ZBTB5: variants seen among roughly 807,000 people sequenced by gnomAD.
The protein encoded by ZBTB5 is zinc finger and BTB domain-containing protein 5.
ZBTB5 carries 15 observed loss-of-function variants against 37.9 expected under a neutral mutation model. That is an observed-to-expected ratio of 0.40 (90% CI 0.26 to 0.61). The LOEUF is 0.61. Ranked by LOEUF, ZBTB5 falls within the 20% of genes least tolerant of loss-of-function variation. The pLI, the probability that ZBTB5 is intolerant of heterozygous loss-of-function variation, is 0.47. For synonymous variants in ZBTB5, 315 were observed against 312.4 expected, an observed-to-expected ratio of 1.01 and a Z score of -0.09; for missense variants, 708 against 856.8, an observed-to-expected ratio of 0.83 and a Z score of 2.17.
chr9:37,440,180 A>C lies in ZBTB5; in HGVS notation c.*338T>G. The stretch of plus-strand genomic sequence containing the variant: ...AAGGTATAGGAAATTTAAATGCTAC[A>C]CAGTTTTACAAAAATTGCTAAAAAA... On this transcript the variant is annotated 3_prime_UTR_variant, in exon 2 of 2. Transcript: ENST00000307750. The C allele has an allele frequency of 3.3e-6, 1 of 306,602 alleles. No homozygotes were observed. Among genetic ancestry groups the C allele is most frequent in the Non-Finnish European group, 6.2e-6 (1 of 162,238 alleles). The allele number at this position is 306,602 out of a possible 1,614,324, so 19.0% of individuals were successfully genotyped here. A position where few individuals can be genotyped will look rare whatever the true frequency, so the allele number is the denominator to read the frequency against.
chr9:37,454,477 C>G (rs1312202892), intron 1 of ZBTB5, among the ~76,000 whole-genome samples: 1 of 152,180 alleles, frequency 6.6e-6, no homozygotes, highest in Non-Finnish European at 1.5e-5. Flanking sequence ...ATAACTGTGT[C>G]TAACCCAAAG....
intron 1 of ZBTB5, among the ~76,000 whole-genome samples, chr9:37,449,979 C>T (rs977600181): frequency 1.3e-5 from 2 of 152,038 alleles, no homozygotes; most frequent in African/African-American, 2.4e-5. Context: ...AAGGGGAAAG[C>T]CCATTTGCAT....
intron 1 of ZBTB5, among the ~76,000 whole-genome samples, chr9:37,458,166 G>A (rs1824226609): frequency 6.6e-6 from 1 of 152,218 alleles, no homozygotes; most frequent in Non-Finnish European, 1.5e-5. Flanking sequence ...AAGAAATTAA[G>A]CTAGGCAGCA....
intron 1 of ZBTB5, among the ~76,000 whole-genome samples, chr9:37,458,758 A>G (rs1824236159): frequency 6.6e-6 from 1 of 152,242 alleles, no homozygotes; most frequent in Admixed American, 6.5e-5. Context: ...CATAACTCTG[A>G]AATCAGTATT....
intron 1 of ZBTB5, among the ~76,000 whole-genome samples, chr9:37,463,416 TA>T (rs910042087): frequency 1.1e-4 from 16 of 151,446 alleles, no homozygotes; most frequent in East Asian, 3.9e-4. Context: ...TAATTTACAT[TA>T]AAAAAAAAGT....
chr9:37,444,202 TTTG>T (rs1356521250), intron 1 of ZBTB5, among the ~76,000 whole-genome samples: 1 of 152,152 alleles, frequency 6.6e-6, no homozygotes, highest in Non-Finnish European at 1.5e-5. Flanking sequence ...GAAATGGTTT[TTTG>T]TTTTGTTTTT....
At position 37,440,774 on chromosome 9, in the gene ZBTB5, G is replaced by A; in HGVS notation, c.1778C>T (p.Ser593Leu). 1.2e-6 allele frequency: 2 copies of A among 1,614,240 alleles called. No individual in the cohort carries two copies. The highest frequency in any genetic ancestry group is 1.7e-6 in the Non-Finnish European group (2 of 1,180,052). ...QLTRASADVL[S>L]KCKKALSEHN... is the part of the protein sequence containing the mutation. Reference sequence around the variant, plus strand: ...CTCTGATAAGGCCTTCTTGCACTTTGACAGAACATCTGCAGATGCCCTGGT... The same window carrying A: ...CTCTGATAAGGCCTTCTTGCACTTTAACAGAACATCTGCAGATGCCCTGGT... Residue 593 changes from serine to leucine, a missense_variant, in exon 2 of 2, where the codon TCA becomes TTA. This residue lies in a region of ZBTB5 where 42 missense variants were observed against 107.9 expected (regional missense o/e 0.39). Transcript: ENST00000307750.
In ZBTB5 at chr9:37,442,519, G is replaced by A. The variant is rs1163192281; in HGVS notation, c.33C>T (p.Phe11=). The A allele has an allele frequency of 1.2e-6, 2 of 1,606,596 alleles. No individual in the cohort carries two copies. The highest frequency in any genetic ancestry group is 1.3e-5 in the African/African-American group (1 of 74,772). The stretch of plus-strand genomic sequence containing the variant: ...GAAGTCTCTGGTAGTTCAGCTGCTG[G>A]AAGATTTGTTCAAAGTGACCAGGAA... MDFPGHFEQI[F]QQLNYQRLHG... Residue 11 remains phenylalanine, a synonymous_variant, in exon 2 of 2, where the codon TTC becomes TTT. Transcript: ENST00000307750.
intron 1 of ZBTB5, among the ~76,000 whole-genome samples, chr9:37,448,958 C>CGCTT (rs1334607601): frequency 1.3e-5 from 2 of 151,514 alleles, no homozygotes; most frequent in Non-Finnish European, 3.0e-5. Context: ...GCAGGAGAAT[C>CGCTT]GCTTGAACCC....
At chr9:37,452,791 C>G (rs1824126136) in intron 1 of ZBTB5, among the ~76,000 whole-genome samples, 1 of 152,176 alleles carries the variant, frequency 6.6e-6, no homozygotes, top group African/African-American at 2.4e-5. Flanking sequence ...GACTAAAAGC[C>G]TCCCTAGGGC....
Position 37,441,902 on chromosome 9 carries a change from ACATCTGAAATGGCAGACT to A in ZBTB5, c.632_649del (p.Glu211_Asp216del). 6.2e-7 allele frequency: 1 copy of A among 1,614,164 alleles called. No individual in the cohort carries two copies. Among genetic ancestry groups the A allele is most frequent in the Non-Finnish European group, 8.5e-7 (1 of 1,180,038 alleles). On this transcript the variant is annotated inframe_deletion, in exon 2 of 2. Transcript: ENST00000307750. ...CCCTGAAGGCCCATTCTCCGGTGTA[ACATCTGAAATGGCAGACT>A]CATCTATGGAGGGTCGGAGGCGCTG...
chr9:37,463,732 A>G (rs1824336703), intron 1 of ZBTB5, among the ~76,000 whole-genome samples: 1 of 152,198 alleles, frequency 6.6e-6, no homozygotes, highest in South Asian at 2.1e-4. Context: ...ATTCTGCTAG[A>G]GACATATCAA....
At chr9:37,463,486 G>C (rs1045267760) in intron 1 of ZBTB5, among the ~76,000 whole-genome samples, 5 of 152,066 alleles carry the variant, frequency 3.3e-5, no homozygotes, top group African/African-American at 1.2e-4. Flanking sequence ...AAACGAATGT[G>C]AGCCAGATTC....
At chr9:37,457,537 T>C (rs539896530) in intron 1 of ZBTB5, among the ~76,000 whole-genome samples, 6 of 152,368 alleles carry the variant, frequency 3.9e-5, no homozygotes, top group Admixed American at 2.6e-4. Flanking sequence ...CATCATCTAA[T>C]GTTTTAAAGT....
chr9:37,452,303 C>A (rs1824118166), intron 1 of ZBTB5, among the ~76,000 whole-genome samples: 2 of 152,110 alleles, frequency 1.3e-5, no homozygotes, highest in Admixed American at 1.3e-4. Context: ...GTAACAGAAG[C>A]ATAACTCACA....
At position 37,442,417 on chromosome 9, in the gene ZBTB5, G is replaced by A. The variant is rs1221398454; in HGVS notation, c.135C>T (p.Cys45=). The change falls in exon 2 of 2, where the codon TGC becomes TGT. Residue 45 remains cysteine, a synonymous_variant. Coordinates refer to ENST00000307750, the MANE Select transcript of ZBTB5 (RefSeq NM_014872.3). ...AGAACAGGGCTCGGAAATGCGTGCT[G>A]CATGCTGCCAGCACGGAGCGGTGGG... The part of the protein sequence containing the change: ...FKAHRSVLAA[C]STHFRALFSV... 4 of 1,613,956 alleles carry A rather than the reference G, an allele frequency of 2.5e-6. No homozygotes were observed. The African/African-American group carries it at 5.3e-5, about 22-fold the overall frequency.
At position 37,465,267 on chromosome 9, in the gene ZBTB5, T is replaced by C. The variant is rs1824372190; in HGVS notation, c.-57A>G. On this transcript the variant is annotated 5_prime_UTR_variant, in exon 1 of 2. Coordinates refer to ENST00000307750, the MANE Select transcript of ZBTB5 (RefSeq NM_014872.3). ...TCGCTGAAGGAGGCGGTGACCCCTC[T>C]CCGATCGGACTCGGCAGTGTCAGAG... 1 of 151,700 alleles carries C rather than the reference T, an allele frequency of 6.6e-6. No individual in the cohort carries two copies. Among genetic ancestry groups the C allele is most frequent in the Admixed American group, 6.6e-5 (1 of 15,240 alleles). The allele number at this position is 151,700 out of a possible 1,614,324, so 9.4% of individuals were successfully genotyped here.
At chr9:37,445,650 A>G (rs1823962560) in intron 1 of ZBTB5, among the ~76,000 whole-genome samples, 1 of 152,088 alleles carries the variant, frequency 6.6e-6, no homozygotes, top group African/African-American at 2.4e-5. Flanking sequence ...TGTCAAAAAA[A>G]AAAAAAGAAA....
At position 37,440,905 on chromosome 9, in the gene ZBTB5, C is replaced by A. The variant is rs1438815623; in HGVS notation, c.1647G>T (p.Arg549Ser). The stretch of plus-strand genomic sequence containing the variant: ...TAGAGTTTTCTGGGATCTGTGAGCT[C>A]CTGACGGAAGTTACAACTGGCATTT... ...APKMPVVTSV[R>S]SSQIPENSTS... Residue 549 changes from arginine to serine, a missense_variant, in exon 2 of 2, where the codon AGG (arginine) becomes AGT (serine). Physicochemically the swap from Arg to Ser is moderately radical, Grantham distance 110. Transcript: ENST00000307750. 6 of 1,614,138 alleles carry A rather than the reference C, an allele frequency of 3.7e-6. No homozygotes were observed. Among genetic ancestry groups the A allele is most frequent in the Non-Finnish European group, 5.1e-6 (6 of 1,180,038 alleles).
Sources: allele counts gnomAD v4.1 joint callset (sites outside exome capture counted in the v4.1 genomes callset), GRCh38; gene constraint gnomAD v4.1.1; regional missense constraint gnomAD v4.1.1; transcripts MANE v1.5; gene names NCBI Gene and HGNC (gene_info 2026-07-23, HGNC 2026-07-21).